Variants in TAL1 observed in about 807,000 individuals in gnomAD.
TAL1 encodes the protein T-cell acute lymphocytic leukemia protein 1.
In TAL1, 8 loss-of-function variants were observed where a neutral mutation model predicts 17.9. The ratio of observed to expected loss-of-function variants is 0.45; its 90% confidence interval spans 0.26 to 0.81. The LOEUF (loss-of-function observed/expected upper bound fraction) is 0.81. Among genes scored for constraint, TAL1 ranks in the 30% least tolerant of loss-of-function variants. The pLI, the probability that TAL1 is intolerant of heterozygous loss-of-function variation, is 0.17. For synonymous variants in TAL1, 223 were observed against 218.6 expected, an observed-to-expected ratio of 1.02 and a Z score of -0.18; for missense variants, 466 against 486.9, an observed-to-expected ratio of 0.96 and a Z score of 0.40.
intron 1 of TAL1, chr1:47,227,616 G>C (rs1466006085): frequency 6.6e-6 from 1 of 152,128 alleles, no homozygotes; most frequent in Non-Finnish European, 1.5e-5. Flanking sequence ...CAGCCCCCCA[G>C]GTCTGGCACA....
intron 1 of TAL1, chr1:47,228,024 A>G (rs1643938976): frequency 6.6e-6 from 1 of 152,258 alleles, no homozygotes; most frequent in African/African-American, 2.4e-5. Flanking sequence ...TTACCCTCCA[A>G]TTAATTCTTA....
At chr1:47,225,940 G>A (rs752940353) in intron 1 of TAL1, 51 bp from the exon 3 acceptor site, 281 of 1,538,988 alleles carry the variant, frequency 1.8e-4, no homozygotes, top group Non-Finnish European at 1.8e-4. Flanking sequence ...GACCGCCCCT[G>A]ACCCACCGAC....
chr1:47,221,676 TCA>T (rs1403928770), intron 3 of TAL1, among the ~76,000 whole-genome samples: 1 of 152,116 alleles, frequency 6.6e-6, no homozygotes, highest in East Asian at 1.9e-4. Context: ...GAACCAGACC[TCA>T]GAGTGTGAAA....
exon 4 of TAL1, chr1:47,220,117 T>G: frequency 6.2e-7 from 1 of 1,604,578 alleles, no homozygotes; most frequent in Non-Finnish European, 8.5e-7. Context: ...CACATTCTGC[T>G]GCCGCCATCG....
exon 3 of TAL1, chr1:47,224,056 G>T: frequency 6.2e-7 from 1 of 1,613,896 alleles, no homozygotes; most frequent in African/African-American, 1.3e-5. Flanking sequence ...CTCGATTGTT[G>T]GTGGTGAACA....
At chr1:47,220,092 G>T in exon 4 of TAL1, 1 of 1,613,170 alleles carries the variant, frequency 6.2e-7, no homozygotes, top group Non-Finnish European at 8.5e-7. Context: ...TGCGGAGCTC[G>T]GCAAAGGCCC....
chr1:47,225,298 T>C (rs1389590506), intron 2 of TAL1, 145 bp downstream of exon 3: 7 of 721,908 alleles, frequency 9.7e-6, no homozygotes, highest in African/African-American at 1.8e-5. Context: ...CTAGAGCCAC[T>C]GGGTTTAAAA....
intron 3 of TAL1, among the ~76,000 whole-genome samples, chr1:47,220,780 C>A (rs979947167): frequency 6.6e-6 from 1 of 152,186 alleles, no homozygotes; most frequent in Non-Finnish European, 1.5e-5. Flanking sequence ...TGCTAACAAC[C>A]AGGCACTGTG....
exon 4 of TAL1, chr1:47,216,320 T>C (rs1165771559): frequency 4.7e-6 from 1 of 212,068 alleles, no homozygotes; most frequent in East Asian, 7.1e-5. Context: ...TTTAGAAATC[T>C]TCCCGATACA....
upstream of TAL1, chr1:47,232,282 C>T (rs911518448): frequency 6.1e-6 from 1 of 163,882 alleles, no homozygotes; most frequent in Non-Finnish European, 1.3e-5. Flanking sequence ...CGCCCGGCCC[C>T]TCCACCGACG....
intron 1 of TAL1, among the ~76,000 whole-genome samples, chr1:47,226,549 C>T (rs1336227918): frequency 6.6e-6 from 1 of 151,974 alleles, no homozygotes. Context: ...CACACACATT[C>T]GCCCCCGCTG....
chr1:47,223,871 C>G (rs74074033), intron 3 of TAL1, 133 bp downstream of exon 4: 1 of 841,236 alleles, frequency 1.2e-6, no homozygotes, highest in Non-Finnish European at 2.0e-6. Flanking sequence ...TGAAGGGCTT[C>G]GGCAGTTTGG....
chr1:47,226,739 G>T (rs1318976733), intron 1 of TAL1, among the ~76,000 whole-genome samples: 1 of 152,206 alleles, frequency 6.6e-6, no homozygotes, highest in African/African-American at 2.4e-5. Flanking sequence ...AAGTGAGGTC[G>T]AGTCTCAAAG....
At chr1:47,217,034 T>A (rs139244677) in exon 4 of TAL1, 5 of 232,060 alleles carry the variant, frequency 2.2e-5, no homozygotes, top group African/African-American at 1.1e-4. Flanking sequence ...AGTGTTCCCA[T>A]ATCTCTTTTC....
chr1:47,219,557 A>G (rs756219685), exon 4 of TAL1: 89 of 1,162,858 alleles, frequency 7.7e-5, no homozygotes, highest in Non-Finnish European at 1.1e-4. Context: ...CAGAAAAGCC[A>G]GCCCCAGGGT....
chr1:47,217,605 C>T, exon 4 of TAL1: 1 of 398,644 alleles, frequency 2.5e-6, no homozygotes, highest in Non-Finnish European at 4.4e-6. Flanking sequence ...AAACTGTCTA[C>T]TTTCATGATC....
At chr1:47,216,468 G>A (rs1002444287) in exon 4 of TAL1, 8 of 230,282 alleles carry the variant, frequency 3.5e-5, no homozygotes, top group Admixed American at 2.3e-4. Context: ...AAAATGCAGA[G>A]ACCAACGCAA....
intron 2 of TAL1, among the ~76,000 whole-genome samples, chr1:47,224,701 C>T (rs1331494113): frequency 6.6e-6 from 1 of 152,198 alleles, no homozygotes; most frequent in Non-Finnish European, 1.5e-5. Context: ...CTAAGCTCCC[C>T]ATAGCTCTGT....
chr1:47,223,854 T>C, intron 3 of TAL1, 150 bp downstream of exon 4: 1 of 740,572 alleles, frequency 1.4e-6, no homozygotes. Flanking sequence ...CTAGCTCAGC[T>C]GCAGGGTGAA....
Sources: allele counts gnomAD v4.1 joint callset (sites outside exome capture counted in the v4.1 genomes callset), GRCh38; gene constraint gnomAD v4.1.1; transcripts MANE v1.5; gene names NCBI Gene and HGNC (gene_info 2026-07-23, HGNC 2026-07-21).